Variants in LRRIQ1 observed in about 807,000 individuals in gnomAD.
LRRIQ1 encodes the protein leucine-rich repeat- and IQ domain-containing protein 1.
Under a neutral mutation model 211.9 loss-of-function variants are expected in LRRIQ1, and 210 were observed. The ratio of observed to expected loss-of-function variants is 0.99; its 90% CI spans 0.89 to 1.11. The LOEUF is 1.11. Ranked by LOEUF, LRRIQ1 falls within the 50% of genes most tolerant of loss-of-function variation. The pLI, the probability that LRRIQ1 is intolerant of heterozygous loss-of-function variation, is 0.00. For synonymous variants in LRRIQ1, 699 were observed against 650.1 expected (o/e 1.08, Z -1.14); for missense variants, 2,136 against 1,939.5 (o/e 1.10, Z -1.90).
intron 19 of LRRIQ1, 130 bp downstream of exon 19, chr12:85,138,099 A>G (rs1015691582): frequency 3.6e-6 from 2 of 561,484 alleles, no homozygotes; most frequent in Admixed American, 7.4e-5. Flanking sequence ...ACATTGAGAA[A>G]CTTTTCCTAA....
At chr12:85,060,273 G>A (rs1881633143) in intron 8 of LRRIQ1, among the ~76,000 whole-genome samples, 1 of 151,836 alleles carries the variant, frequency 6.6e-6, no homozygotes, top group African/African-American at 2.4e-5. Flanking sequence ...TTATAAAGTT[G>A]AAAATACTAG....
At chr12:85,206,047 G>A (rs1011857544) in intron 24 of LRRIQ1, among the ~76,000 whole-genome samples, 1 of 152,204 alleles carries the variant, frequency 6.6e-6, no homozygotes, top group Non-Finnish European at 1.5e-5. Context: ...CTGAAGGATG[G>A]TGCTGACCAA....
In LRRIQ1 at chr12:85,047,404, A is replaced by G. The variant is rs1402179739; in HGVS notation, c.612A>G (p.Glu204=). 2 of 1,613,122 alleles carry G rather than the reference A, an allele frequency of 1.2e-6. No individual in the cohort carries two copies. The highest frequency in any genetic ancestry group is 2.2e-5 in the East Asian group (1 of 44,746). The change falls in exon 6 of 27, where the codon GAA becomes GAG. Residue 204 remains glutamate, a synonymous_variant. Coordinates refer to ENST00000393217, the MANE Select transcript of LRRIQ1 (RefSeq NM_001079910.2). ...AAGAAAAACAATTTCAAGAAGAAGA[A>G]GAAAAGCGACATTGCTGGATGAAAC... The part of the protein sequence containing the change: ...DREEKQFQEE[E]EKRHCWMKQF...
intron 1 of LRRIQ1, among the ~76,000 whole-genome samples, chr12:85,252,316 G>A (rs921530650): frequency 6.6e-6 from 1 of 151,818 alleles, no homozygotes; most frequent in African/African-American, 2.4e-5. Context: ...TCATAGAATG[G>A]CATTTGAAAA....
intron 8 of LRRIQ1, among the ~76,000 whole-genome samples, chr12:85,063,178 G>A (rs1194602008): frequency 6.6e-6 from 1 of 150,846 alleles, no homozygotes; most frequent in Admixed American, 6.6e-5. Flanking sequence ...AGTTTCTCTA[G>A]CCGTGCAGAA....
intron 11 of LRRIQ1, among the ~76,000 whole-genome samples, chr12:85,082,901 G>A (rs1183917071): frequency 6.6e-6 from 1 of 152,104 alleles, no homozygotes; most frequent in East Asian, 1.9e-4. Flanking sequence ...AATTTTTCAG[G>A]TGGCTGGGGA....
chr12:85,055,151 T>C (rs2135977793), intron 7 of LRRIQ1, among the ~76,000 whole-genome samples: 1 of 152,228 alleles, frequency 6.6e-6, no homozygotes, highest in Non-Finnish European at 1.5e-5. Context: ...TGAGTCTTCT[T>C]TATCAGAACT....
At chr12:85,196,623 T>C (rs1327617919) in intron 24 of LRRIQ1, among the ~76,000 whole-genome samples, 1 of 152,128 alleles carries the variant, frequency 6.6e-6, no homozygotes, top group African/African-American at 2.4e-5. Flanking sequence ...TGGCTAGCCA[T>C]ATGTAGAAAG....
At chr12:85,133,910 A>T (rs184993616) in intron 18 of LRRIQ1, among the ~76,000 whole-genome samples, 2 of 152,238 alleles carry the variant, frequency 1.3e-5, no homozygotes, top group East Asian at 3.9e-4. Context: ...ATAATTAAGG[A>T]CTGGGTTCAC....
chr12:85,080,418 A>C (rs1254817172), intron 11 of LRRIQ1, among the ~76,000 whole-genome samples: 1 of 151,566 alleles, frequency 6.6e-6, no homozygotes, highest in Non-Finnish European at 1.5e-5. Flanking sequence ...TTAATGTAAT[A>C]TAGAGGGCAT....
At chr12:85,260,745 A>G (rs980566621) in intron 1 of LRRIQ1, among the ~76,000 whole-genome samples, 4 of 152,076 alleles carry the variant, frequency 2.6e-5, no homozygotes, top group Admixed American at 2.0e-4. Context: ...GTTTACTATT[A>G]CTTTTATTGT....
chr12:85,266,668 G>A (rs569444645), downstream of LRRIQ1, among the ~76,000 whole-genome samples: 10 of 152,218 alleles, frequency 6.6e-5, no homozygotes, highest in African/African-American at 2.4e-4. Flanking sequence ...AGGATCATGA[G>A]GCTTCATTAG....
chr12:85,238,310 G>A (rs1036062428), intron 26 of LRRIQ1, among the ~76,000 whole-genome samples: 13 of 151,998 alleles, frequency 8.6e-5, no homozygotes, highest in South Asian at 2.1e-4. Flanking sequence ...TTGACTTTCC[G>A]GAAGAGAGAT....
rs183347670 is a variant in LRRIQ1, at chr12:85,114,326, C to T, written c.3378-7371C>T. 8.3e-4 allele frequency among the ~76,000 whole-genome samples: 126 copies of T among 152,076 alleles called. 1 individual carries two copies. The highest frequency in any genetic ancestry group is 3.0e-3 in the African/African-American group (124 of 41,504). On this transcript the variant is annotated intron_variant, in intron 15 of 26. Coordinates refer to ENST00000393217, the MANE Select transcript of LRRIQ1 (RefSeq NM_001079910.2). ...CTAGCTTTTCCCATGATTCAGAGCA[C>T]GTCCTTTTAGGGCCATGAATTGTTT...
chr12:85,261,859 G>A (rs755167805), intron 1 of LRRIQ1, among the ~76,000 whole-genome samples: 99 of 151,340 alleles, frequency 6.5e-4, no homozygotes, highest in Non-Finnish European at 1.2e-3. Flanking sequence ...GCACGATCTC[G>A]GCTCACCGCA....
intron 24 of LRRIQ1, among the ~76,000 whole-genome samples, chr12:85,176,577 C>G (rs1214013542): frequency 2.5e-5 from 3 of 121,904 alleles, no homozygotes; most frequent in Non-Finnish European, 4.8e-5. Flanking sequence ...GAATATCACA[C>G]TCTCGGGACT....
Position 85,038,280 on chromosome 12 carries a change from CAG to C in LRRIQ1, c.106_107del (p.Glu36AsnfsTer4), listed in dbSNP as rs780631570. Reference sequence around the variant, plus strand: ...GAAGACATTGAGAGTGATGCAAAATCAGAAACCCAGAGTGATGATAGTGATAC... The same window carrying C: ...GAAGACATTGAGAGTGATGCAAAATCAAACCCAGAGTGATGATAGTGATAC... On this transcript the variant is annotated frameshift_variant, in exon 2 of 27. Transcript: ENST00000393217. LOFTEE classifies it high-confidence loss of function. 5 of 1,582,910 alleles carry C rather than the reference CAG, an allele frequency of 3.2e-6. No homozygotes were observed. In the African/African-American group the frequency reaches 5.4e-5, roughly 17 times the overall value.
In LRRIQ1 at chr12:85,127,944, A is replaced by T. The variant is rs1888490484; in HGVS notation, c.4120A>T (p.Ile1374Phe). The change falls in exon 18 of 27, where the codon ATC becomes TTC. Residue 1374 changes from isoleucine to phenylalanine, a missense_variant. Transcript: ENST00000393217. ...AATEGLPNSS[I>F]KNQTILKKGK... Reference sequence around the variant, plus strand: ...AACAGAAGGCCTGCCAAATTCTTCCATCAAGAATCAGACTATTTTAAAGAA... The same window carrying T: ...AACAGAAGGCCTGCCAAATTCTTCCTTCAAGAATCAGACTATTTTAAAGAA... 1 of 1,613,214 alleles carries T rather than the reference A, an allele frequency of 6.2e-7. No homozygotes were observed. Among genetic ancestry groups the T allele is most frequent in the South Asian group, 1.1e-5 (1 of 91,058 alleles).
At chr12:85,111,567 T>C (rs1887177309) in intron 15 of LRRIQ1, among the ~76,000 whole-genome samples, 1 of 152,060 alleles carries the variant, frequency 6.6e-6, no homozygotes, top group Non-Finnish European at 1.5e-5. Context: ...ATGAAAGCAA[T>C]TTATAGAGTG....
Sources: allele counts gnomAD v4.1 joint callset (sites outside exome capture counted in the v4.1 genomes callset), GRCh38; gene constraint gnomAD v4.1.1; transcripts MANE v1.5; gene names NCBI Gene and HGNC (gene_info 2026-07-23, HGNC 2026-07-21).